COL4A1: variants seen among roughly 807,000 people sequenced by gnomAD.
COL4A1 encodes the protein collagen type IV alpha 1 chain.
COL4A1 carries 40 observed loss-of-function variants against 216.6 expected under a neutral mutation model. The observed-to-expected ratio is 0.18, with a 90% CI of 0.14 to 0.24. The LOEUF is 0.24. Ranked by LOEUF, COL4A1 falls within the 10% of genes least tolerant of loss-of-function variation. The probability of loss-of-function intolerance (pLI) is 1.00; values close to 1 mark genes in which losing one functional copy is unlikely to be tolerated. For missense variants in COL4A1, 1,628 were observed against 2,196.8 expected, an observed-to-expected ratio of 0.74 and a Z score of 5.18; for synonymous variants, 839 against 810.7, an observed-to-expected ratio of 1.03 and a Z score of -0.59.
intron 15 of COL4A1, among the ~76,000 whole-genome samples, 165 bp downstream of exon 15, chr13:110,206,500 C>G (rs1879521567): frequency 6.6e-6 from 1 of 152,204 alleles, no homozygotes. Context: ...GGAAGCCTTG[C>G]AACTGATATA....
Position 110,187,142 on chromosome 13 carries a change from G to C in COL4A1, c.1724C>G (p.Ser575Trp). 6.2e-7 allele frequency: 1 copy of C among 1,613,932 alleles called. No homozygotes were observed. The highest frequency in any genetic ancestry group is 8.5e-7 in the Non-Finnish European group (1 of 1,179,886). ...GHPGLPGPKG[S>W]PGSVGLKGER... ...AAAGTCTGGAGATAAACATACCGGC[G>C]AGCCCTTGGGGCCAGGAAGACCCGG... Residue 575 changes from serine to tryptophan, a missense_variant, in exon 25 of 52, where the codon TCG becomes TGG. By Grantham distance (177) the Ser-to-Trp change is radical. Coordinates refer to ENST00000375820, the MANE Select transcript of COL4A1 (RefSeq NM_001845.6).
intron 2 of COL4A1, among the ~76,000 whole-genome samples, chr13:110,224,018 A>C (rs561005086): frequency 6.6e-6 from 1 of 152,214 alleles, no homozygotes; most frequent in Non-Finnish European, 1.5e-5. Flanking sequence ...CATTAAAAAA[A>C]ATATATATGG....
chr13:110,192,334 CT>C, intron 23 of COL4A1, 50 bp from the exon 24 acceptor site: 14 of 1,538,992 alleles, frequency 9.1e-6, no homozygotes, highest in Non-Finnish European at 1.3e-5. Context: ...TCATGAGACA[CT>C]TCTCAAAACC....
At chr13:110,175,853 A>G (rs1354445052) in intron 36 of COL4A1, among the ~76,000 whole-genome samples, 1 of 152,194 alleles carries the variant, frequency 6.6e-6, no homozygotes, top group Admixed American at 6.5e-5. Context: ...TGATAACAGC[A>G]CCTGGTCAAG....
rs527362194 is a variant in COL4A1 at position 110,162,581 on chromosome 13, C to A, written c.4250-139G>T. 2.2e-5 allele frequency: 16 copies of A among 732,840 alleles called. No homozygotes were observed. In the African/African-American group the frequency reaches 2.3e-4, roughly 11 times the overall value. The allele number at this position is 732,840 out of a possible 1,614,324, so 45.4% of individuals were successfully genotyped here. A position where few individuals can be genotyped will look rare whatever the true frequency, so the allele number is the denominator to read the frequency against. On this transcript the variant is annotated intron_variant, in intron 47 of 51. Coordinates refer to ENST00000375820, the MANE Select transcript of COL4A1 (RefSeq NM_001845.6). Reference sequence around the variant, plus strand: ...TACCTATTCATGTTACCAAAAAAGTCTAAAAAGAATGCATGGCTAACTAAA... The same window carrying A: ...TACCTATTCATGTTACCAAAAAAGTATAAAAAGAATGCATGGCTAACTAAA...
rs779414093 is a variant in COL4A1, at chr13:110,178,974, G to A, written c.2407C>T (p.Pro803Ser). ...CCAGGGGGACCCCTAGCTCCAGGGG[G>A]GCCTATTCCTGGAACTCCTGGAGAC... is the stretch of plus-strand genomic sequence containing the variant. Reference protein sequence around the residue: ...VGSPGVPGIGPPGARGPPGGQ... With the variant: ...VGSPGVPGIGSPGARGPPGGQ... The change falls in exon 31 of 52, where the codon CCC (proline) becomes TCC (serine). Residue 803 changes from proline (P) to serine (S), a missense_variant. This residue lies in a region of COL4A1 where 701 missense variants were observed against 892.5 expected (regional missense o/e 0.79). Coordinates refer to ENST00000375820, the MANE Select transcript of COL4A1 (RefSeq NM_001845.6). The A allele has an allele frequency of 2.5e-6, 4 of 1,612,354 alleles. No individual in the cohort carries two copies. In the African/African-American group the frequency reaches 5.3e-5, roughly 22 times the overall value.
In COL4A1 at chr13:110,184,976, C is replaced by T. The variant is rs575574654; in HGVS notation, c.1897+1409G>A. On this transcript the variant is annotated intron_variant, in intron 26 of 51. Coordinates refer to ENST00000375820, the MANE Select transcript of COL4A1 (RefSeq NM_001845.6). ...TGAGCCAGCGTGCCCAGCCTATACA[C>T]TGTATATTAATAAGGAAATATTAGT... 2.8e-4 allele frequency among the ~76,000 whole-genome samples: 42 copies of T among 151,876 alleles called. 1 individual carries two copies. The highest frequency in any genetic ancestry group is 3.4e-3 in the Middle Eastern group (1 of 294).
intron 1 of COL4A1, among the ~76,000 whole-genome samples, chr13:110,302,261 G>A (rs1171684496): frequency 6.6e-6 from 1 of 152,202 alleles, no homozygotes; most frequent in Non-Finnish European, 1.5e-5. Context: ...GCAGAGTCGG[G>A]AAGGGTTGTC....
intron 1 of COL4A1, among the ~76,000 whole-genome samples, chr13:110,264,934 A>G (rs1035697579): frequency 3.3e-5 from 5 of 152,138 alleles, no homozygotes; most frequent in Admixed American, 6.5e-5. Flanking sequence ...CACTTTCCCC[A>G]TTGTCTCTCA....
intron 1 of COL4A1, among the ~76,000 whole-genome samples, chr13:110,250,734 G>A (rs551575278): frequency 2.6e-5 from 4 of 152,276 alleles, no homozygotes; most frequent in Admixed American, 2.0e-4. Flanking sequence ...AACACTGTTG[G>A]GAGGCATGAC....
intron 2 of COL4A1, among the ~76,000 whole-genome samples, chr13:110,232,848 T>G: frequency 6.6e-6 from 1 of 152,102 alleles, no homozygotes; most frequent in Non-Finnish European, 1.5e-5. Flanking sequence ...CAGATACAGC[T>G]GCAAATCAAG....
intron 2 of COL4A1, among the ~76,000 whole-genome samples, chr13:110,217,086 T>G (rs9515168): frequency 0.16 from 23,921 of 152,192 alleles, 2,041 homozygotes; most frequent in African/African-American, 0.22. Context: ...GTTCTTAATC[T>G]TTTGTCCAGA....
chr13:110,214,079 A>T (rs1346083693), intron 2 of COL4A1, 64 bp from the exon 3 acceptor site: 2 of 1,326,362 alleles, frequency 1.5e-6, no homozygotes, highest in South Asian at 1.2e-5. Context: ...GGAATTGGTG[A>T]CCAACTGTGA....
At chr13:110,224,698 C>T (rs1242131077) in intron 2 of COL4A1, among the ~76,000 whole-genome samples, 1 of 152,136 alleles carries the variant, frequency 6.6e-6, no homozygotes, top group African/African-American at 2.4e-5. Context: ...GTTCGAAAGA[C>T]ATGTTCTACA....
chr13:110,240,486 G>A lies in COL4A1; in HGVS notation c.144+2189C>T, dbSNP rs576502634. Among the ~76,000 whole-genome samples the A allele has an allele frequency of 3.5e-4, 54 of 152,332 alleles. No individual in the cohort carries two copies. The Middle Eastern group carries it at 0.017, about 48-fold the overall frequency. ...GCCTCCCTCGGGACACAACTTCCAC[G>A]TGGCCCCACACTTCTCTGCCTTCCT... On this transcript the variant is annotated intron_variant, in intron 2 of 51. Transcript: ENST00000375820.
At chr13:110,228,473 G>A (rs1880853216) in intron 2 of COL4A1, among the ~76,000 whole-genome samples, 1 of 152,186 alleles carries the variant, frequency 6.6e-6, no homozygotes, top group African/African-American at 2.4e-5. Context: ...CAAGTGGCAG[G>A]GAGAACAGGG....
intron 1 of COL4A1, among the ~76,000 whole-genome samples, chr13:110,262,095 G>A (rs147235934): frequency 6.6e-6 from 1 of 152,328 alleles, no homozygotes; most frequent in African/African-American, 2.4e-5. Context: ...GCCACATTAG[G>A]GGAGGAATGG....
chr13:110,292,777 A>G (rs1197144712), intron 1 of COL4A1, among the ~76,000 whole-genome samples: 2 of 152,102 alleles, frequency 1.3e-5, no homozygotes, highest in African/African-American at 2.4e-5. Flanking sequence ...GTAGGGAGGG[A>G]CAGGAACTCA....
chr13:110,203,615 AG>A lies in COL4A1; in HGVS notation c.958-9del, dbSNP rs774257677. The A allele has an allele frequency of 7.4e-6, 12 of 1,613,528 alleles. No homozygotes were observed. The African/African-American group carries it at 1.5e-4, about 20-fold the overall frequency. ...TGCTTCACCCTTTTCTCCCTACAAA[AG>A]AAAAAATAACTTTCCTTGCATATTC... On this transcript the variant is annotated splice_polypyrimidine_tract_variant and intron_variant, in intron 17 of 51. Coordinates refer to ENST00000375820, the MANE Select transcript of COL4A1 (RefSeq NM_001845.6).
Sources: gnomAD v4.1 joint callset for allele counts (sites outside exome capture counted in the v4.1 genomes callset) on GRCh38, gnomAD v4.1.1 for gene constraint, gnomAD v4.1.1 regional missense constraint, MANE v1.5 for transcripts, NCBI Gene and HGNC (gene_info 2026-07-23, HGNC 2026-07-21) for gene names.